The following CTNNA2 variants were observed in gnomAD, a reference collection of about 807,000 sequenced individuals.
CTNNA2 encodes the protein catenin alpha 2.
CTNNA2 carries 42 observed loss-of-function variants against 101.0 expected under a neutral mutation model. That is an observed-to-expected ratio of 0.42 (90% confidence interval 0.32 to 0.54). The LOEUF is 0.54. CTNNA2 is among the 20% of genes least tolerant of loss of function. The probability of loss-of-function intolerance (pLI) is 0.14; values close to 1 mark genes in which losing one functional copy is unlikely to be tolerated. For missense variants in CTNNA2, 871 were observed against 1,223.1 expected, an observed-to-expected ratio of 0.71 and a Z score of 4.29; for synonymous variants, 450 against 456.4, an observed-to-expected ratio of 0.99 and a Z score of 0.18.
chr2:79,921,935 T>C (rs1317208656), intron 7 of CTNNA2, among the ~76,000 whole-genome samples: 2 of 152,184 alleles, frequency 1.3e-5, no homozygotes, highest in Non-Finnish European at 2.9e-5. Context: ...ATATTCCAGG[T>C]TCCTGCCTTG....
intron 9 of CTNNA2, among the ~76,000 whole-genome samples, chr2:80,426,075 A>T (rs139724836): frequency 1.3e-5 from 2 of 152,284 alleles, no homozygotes; most frequent in African/African-American, 4.8e-5. Flanking sequence ...CTGTAGAACT[A>T]GATAAAATAA....
chr2:79,491,572 T>C (rs986663212), intron 4 of CTNNA2, among the ~76,000 whole-genome samples: 1 of 152,048 alleles, frequency 6.6e-6, no homozygotes, highest in South Asian at 2.1e-4. Flanking sequence ...CTAGACAGGG[T>C]CCAGAGGAAA....
chr2:80,260,367 T>A (rs1247851939), intron 7 of CTNNA2, among the ~76,000 whole-genome samples: 1 of 152,204 alleles, frequency 6.6e-6, no homozygotes, highest in Non-Finnish European at 1.5e-5. Context: ...GCACTATTTC[T>A]GAAGGACATT....
chr2:80,348,510 T>C (rs1672983414), intron 7 of CTNNA2, among the ~76,000 whole-genome samples: 1 of 152,178 alleles, frequency 6.6e-6, no homozygotes, highest in Admixed American at 6.5e-5. Flanking sequence ...AGCCAGAGGT[T>C]GAACTTGGCA....
At chr2:79,776,803 A>T (rs979539197) in intron 3 of CTNNA2, among the ~76,000 whole-genome samples, 1 of 152,196 alleles carries the variant, frequency 6.6e-6, no homozygotes, top group Admixed American at 6.5e-5. Flanking sequence ...CTTAATCTCT[A>T]ACCCTTTTAG....
At chr2:80,480,247 C>A (rs1686046881) in intron 9 of CTNNA2, among the ~76,000 whole-genome samples, 2 of 151,990 alleles carry the variant, frequency 1.3e-5, no homozygotes, top group South Asian at 4.1e-4. Context: ...AGAGCTCTAA[C>A]TCAATGCTTT....
At chr2:80,305,182 G>GT (rs538581126) in intron 7 of CTNNA2, 9,944 of 985,356 alleles carry the variant, frequency 0.01, 60 homozygotes, top group Non-Finnish European at 0.012. Context: ...GATTTTTGGG[G>GT]TTTTTTCCCC....
At chr2:80,532,494 T>C (rs1485887090) in intron 9 of CTNNA2, among the ~76,000 whole-genome samples, 1 of 152,188 alleles carries the variant, frequency 6.6e-6, no homozygotes, top group Non-Finnish European at 1.5e-5. Flanking sequence ...TTTTACTTAA[T>C]AATGGCTCCA....
At chr2:79,314,020 G>C (rs1351199786) in intron 3 of CTNNA2, among the ~76,000 whole-genome samples, 1 of 152,092 alleles carries the variant, frequency 6.6e-6, no homozygotes, top group Non-Finnish European at 1.5e-5. Flanking sequence ...TCTTTGCTGA[G>C]GGATGGGGCA....
intron 7 of CTNNA2, among the ~76,000 whole-genome samples, chr2:79,914,234 T>C (rs1686027462): frequency 6.6e-6 from 1 of 151,016 alleles, no homozygotes; most frequent in African/African-American, 2.4e-5. Context: ...GCTAGACAGA[T>C]TGCATTTGAA....
intron 7 of CTNNA2, among the ~76,000 whole-genome samples, chr2:80,060,739 C>T (rs185823292): frequency 2.2e-3 from 337 of 152,266 alleles, no homozygotes; most frequent in Non-Finnish European, 3.5e-3. Context: ...AACAAGAAGA[C>T]AGTGGATACA....
chr2:80,382,114 A>C (rs896392751), intron 7 of CTNNA2, among the ~76,000 whole-genome samples: 2 of 152,218 alleles, frequency 1.3e-5, no homozygotes, highest in African/African-American at 4.8e-5. Context: ...GTGAAGTCGC[A>C]GCGAGCCACC....
At chr2:79,419,229 T>C (rs1325423263) in intron 4 of CTNNA2, among the ~76,000 whole-genome samples, 1 of 152,162 alleles carries the variant, frequency 6.6e-6, no homozygotes. Flanking sequence ...GTTTCTTATT[T>C]CAAAGAATAA....
chr2:79,579,640 A>G (rs980213163), intron 1 of CTNNA2, among the ~76,000 whole-genome samples: 4 of 152,080 alleles, frequency 2.6e-5, no homozygotes, highest in Non-Finnish European at 4.4e-5. Context: ...TTCGAGATGG[A>G]GTTCACTCTT....
intron 9 of CTNNA2, among the ~76,000 whole-genome samples, chr2:80,430,374 A>G (rs770754225): frequency 7.9e-5 from 12 of 152,162 alleles, no homozygotes; most frequent in Non-Finnish European, 1.5e-4. Context: ...AATAGTTAAT[A>G]TCATAATTTT....
At chr2:79,401,967 A>G (rs1678294617) in intron 4 of CTNNA2, among the ~76,000 whole-genome samples, 2 of 151,738 alleles carry the variant, frequency 1.3e-5, no homozygotes, top group African/African-American at 4.8e-5. Flanking sequence ...AATGCTAGGA[A>G]AAAAGATATA....
At chr2:79,684,735 A>G (rs1683819698) in intron 2 of CTNNA2, among the ~76,000 whole-genome samples, 1 of 152,218 alleles carries the variant, frequency 6.6e-6, no homozygotes, top group Admixed American at 6.5e-5. Flanking sequence ...ACCATTGTTC[A>G]TTGATTAGTA....
chr2:79,288,562 A>G (rs890950642), intron 2 of CTNNA2, among the ~76,000 whole-genome samples: 6 of 150,566 alleles, frequency 4.0e-5, no homozygotes, highest in African/African-American at 4.9e-5. Context: ...ATGAATGGCT[A>G]TTTCTCTCTC....
intron 3 of CTNNA2, among the ~76,000 whole-genome samples, chr2:79,800,093 G>A (rs1676039815): frequency 6.6e-6 from 1 of 152,188 alleles, no homozygotes; most frequent in Non-Finnish European, 1.5e-5. Flanking sequence ...CACTATATCA[G>A]AATTTGCTAA....
Sources: allele counts gnomAD v4.1 joint callset (sites outside exome capture counted in the v4.1 genomes callset), GRCh38; gene constraint gnomAD v4.1.1; transcripts MANE v1.5; gene names NCBI Gene and HGNC (gene_info 2026-07-23, HGNC 2026-07-21).